CARD8: variants seen among roughly 807,000 people sequenced by gnomAD.
CARD8 encodes caspase recruitment domain family member 8, also known as caspase recruitment domain-containing protein 8.
A neutral mutation model predicts 53.2 loss-of-function variants in CARD8; 38 were observed. That is an observed-to-expected ratio of 0.71 (90% CI 0.55 to 0.94). The LOEUF is 0.94. CARD8 is among the 40% of genes least tolerant of loss of function. The probability of loss-of-function intolerance (pLI) is 0.00; values close to 1 mark genes in which losing one functional copy is unlikely to be tolerated. For missense variants in CARD8, 561 were observed against 655.5 expected (o/e 0.86, Z 1.57); for synonymous variants, 245 against 244.9 (o/e 1.00, Z 0.00).
intron 10 of CARD8, among the ~76,000 whole-genome samples, chr19:48,227,991 G>C (rs1715109226): frequency 6.6e-6 from 1 of 152,292 alleles, no homozygotes; most frequent in South Asian, 2.1e-4. Flanking sequence ...TGTATTTACA[G>C]CCACTCCCCA....
Position 48,211,976 on chromosome 19 carries a change from C to T in CARD8, c.1349-1G>A. On this transcript the variant is annotated splice_acceptor_variant, in intron 13 of 13. Coordinates refer to ENST00000651546, the MANE Select transcript of CARD8 (RefSeq NM_001184900.3). LOFTEE classifies it high-confidence loss of function. ...TGGTTCTCCTTCACAAAGGCTGCACCTGGATGAAAGGGGGAGTTTCAGACT... is the reference window on the plus strand; with the variant it reads ...TGGTTCTCCTTCACAAAGGCTGCACTTGGATGAAAGGGGGAGTTTCAGACT... 1 of 1,612,518 alleles carries T rather than the reference C, an allele frequency of 6.2e-7. No individual in the cohort carries two copies. The highest frequency in any genetic ancestry group is 8.5e-7 in the Non-Finnish European group (1 of 1,178,994).
At chr19:48,239,603 G>C (rs2044593668) in intron 4 of CARD8, among the ~76,000 whole-genome samples, 1 of 151,600 alleles carries the variant, frequency 6.6e-6, no homozygotes, top group South Asian at 2.1e-4. Flanking sequence ...AGCCTCCCGA[G>C]TAGCTGGGAT....
At chr19:48,204,809 T>G (rs2037283618), downstream of CARD8, among the ~76,000 whole-genome samples, 1 of 152,192 alleles carries the variant, frequency 6.6e-6, no homozygotes, top group Admixed American at 6.6e-5. Context: ...TTGTTATTTA[T>G]AGAAGGCCAA....
chr19:48,251,202 T>C (rs989446995), intron 1 of CARD8, among the ~76,000 whole-genome samples: 1 of 152,238 alleles, frequency 6.6e-6, no homozygotes. Flanking sequence ...TGTTAAGTTA[T>C]AAGCAGAAGG....
At chr19:48,215,882 C>G (rs1245046425) in intron 12 of CARD8, among the ~76,000 whole-genome samples, 1 of 152,130 alleles carries the variant, frequency 6.6e-6, no homozygotes, top group African/African-American at 2.4e-5. Flanking sequence ...TGGTTTTGCA[C>G]TTTCATCTAG....
chr19:48,253,584 A>G (rs1263655842), intron 1 of CARD8, among the ~76,000 whole-genome samples: 1 of 152,224 alleles, frequency 6.6e-6, no homozygotes. Flanking sequence ...AAGAAGTTAT[A>G]TTAAGATTCC....
chr19:48,220,976 AGG>A (rs2040436068), intron 11 of CARD8, among the ~76,000 whole-genome samples: 8 of 95,374 alleles, frequency 8.4e-5, no homozygotes, highest in South Asian at 4.1e-4. Context: ...GAAGGAAGGA[AGG>A]AAGGAAGGAA....
chr19:48,225,510 G>A (rs1052507575), intron 10 of CARD8, among the ~76,000 whole-genome samples: 11 of 152,056 alleles, frequency 7.2e-5, no homozygotes, highest in African/African-American at 2.4e-4. Context: ...TAAATAAAGG[G>A]AGGGATGGAC....
In CARD8 at chr19:48,240,994, C is replaced by CT; in HGVS notation, c.26dup (p.Ser10GlufsTer2). ...GCAGCTCTTCCTCACTGCTGCTACTCTTTTCTGGACACTCCTTTTTTTCCA... is the reference window on the plus strand; with the variant it reads ...GCAGCTCTTCCTCACTGCTGCTACTCTTTTTCTGGACACTCCTTTTTTTCCA... On this transcript the variant is annotated frameshift_variant, in exon 4 of 14. Coordinates refer to ENST00000651546, the MANE Select transcript of CARD8 (RefSeq NM_001184900.3). LOFTEE classifies it high-confidence loss of function. 1 of 1,536,182 alleles carries CT rather than the reference C, an allele frequency of 6.5e-7. No individual in the cohort carries two copies.
intron 3 of CARD8, 86 bp from the exon 4 acceptor site, chr19:48,241,149 A>C: frequency 2.7e-6 from 2 of 739,944 alleles, no homozygotes; most frequent in Non-Finnish European, 4.5e-6. Context: ...AAAGGTTGAC[A>C]AAAGCGCTTA....
chr19:48,246,600 G>T (rs576396365), intron 3 of CARD8, among the ~76,000 whole-genome samples: 1 of 145,898 alleles, frequency 6.9e-6, no homozygotes, highest in East Asian at 2.0e-4. Context: ...TCTGATACAT[G>T]AAATAGAAAA....
At position 48,249,834 on chromosome 19, in the gene CARD8, G is replaced by T. The variant is rs1295197563; in HGVS notation, c.-238C>A. On this transcript the variant is annotated 5_prime_UTR_variant, in exon 2 of 14. Coordinates refer to ENST00000651546, the MANE Select transcript of CARD8 (RefSeq NM_001184900.3). ...ACACTGCCAGGCTGCTCTGTGTTCT[G>T]TTCCTCTTGGTCACTTGAGAAGAAA... 1 of 152,262 alleles carries T rather than the reference G, an allele frequency of 6.6e-6. No homozygotes were observed. Among genetic ancestry groups the T allele is most frequent in the Non-Finnish European group, 1.5e-5 (1 of 68,086 alleles). The allele number at this position is 152,262 out of a possible 1,614,324, so 9.4% of individuals were successfully genotyped here.
intron 5 of CARD8, among the ~76,000 whole-genome samples, chr19:48,235,124 C>T (rs955829701): frequency 2.0e-5 from 3 of 152,172 alleles, no homozygotes; most frequent in Non-Finnish European, 4.4e-5. Context: ...ATTGTACACA[C>T]TTTCTTTTCC....
chr19:48,218,172 T>C (rs538279222), intron 12 of CARD8, among the ~76,000 whole-genome samples: 27 of 152,098 alleles, frequency 1.8e-4, no homozygotes, highest in Admixed American at 3.3e-4. Flanking sequence ...TTTTTTTCTT[T>C]TTTGGCAAGA....
intron 10 of CARD8, among the ~76,000 whole-genome samples, chr19:48,223,303 C>CAA (rs576645325): frequency 4.7e-5 from 5 of 106,942 alleles, no homozygotes; most frequent in African/African-American, 1.3e-4. Flanking sequence ...GACTCTGTCT[C>CAA]AAAAAAAAAA....
chr19:48,248,852 C>T (rs184895375), intron 3 of CARD8, among the ~76,000 whole-genome samples: 18 of 152,236 alleles, frequency 1.2e-4, no homozygotes, highest in African/African-American at 3.9e-4. Context: ...AATACTGTAG[C>T]GCAGTTAACA....
Position 48,210,453 on chromosome 19 carries a change from C to A in CARD8, c.*1257G>T, listed in dbSNP as rs1417596781. Reference sequence around the variant, plus strand: ...GAAAAACATAACAGATTACTCTTCTCATGAGTTTTTTAAATCTTCTGAGTG... The same window carrying A: ...GAAAAACATAACAGATTACTCTTCTAATGAGTTTTTTAAATCTTCTGAGTG... On this transcript the variant is annotated 3_prime_UTR_variant, in exon 14 of 14. Transcript: ENST00000651546. 6.6e-6 allele frequency: 1 copy of A among 152,084 alleles called. No homozygotes were observed. Among genetic ancestry groups the A allele is most frequent in the African/African-American group, 2.4e-5 (1 of 41,442 alleles). 9.4% of individuals were successfully genotyped at this position (152,084 alleles called of 1,614,324 possible). A position where few individuals can be genotyped will look rare whatever the true frequency, so the allele number is the denominator to read the frequency against.
At chr19:48,219,900 A>T (rs2040144433) in intron 11 of CARD8, among the ~76,000 whole-genome samples, 1 of 152,020 alleles carries the variant, frequency 6.6e-6, no homozygotes, top group South Asian at 2.1e-4. Flanking sequence ...GAACCCAGGG[A>T]AAGAAGGTTG....
intron 3 of CARD8, among the ~76,000 whole-genome samples, chr19:48,247,621 ACT>A (rs1392702326): frequency 6.6e-6 from 1 of 151,930 alleles, no homozygotes; most frequent in East Asian, 1.9e-4. Context: ...TACATATTCA[ACT>A]GTGTTTGGGG....
Sources: gnomAD v4.1 joint callset for allele counts (sites outside exome capture counted in the v4.1 genomes callset) on GRCh38, gnomAD v4.1.1 for gene constraint, MANE v1.5 for transcripts, NCBI Gene and HGNC (gene_info 2026-07-23, HGNC 2026-07-21) for gene names.